VPS50: variants seen among roughly 807,000 people sequenced by gnomAD.
The protein encoded by VPS50 is VPS50 subunit of EARP/GARPII complex, also known as syndetin.
VPS50 carries 70 observed loss-of-function variants against 139.7 expected under a neutral mutation model. That is an observed-to-expected ratio of 0.50 (90% CI 0.41 to 0.61). The LOEUF is 0.61. VPS50 is among the 20% of genes least tolerant of loss of function. VPS50 has a pLI of 0.00. For missense variants in VPS50, 921 were observed against 1,133.7 expected, an observed-to-expected ratio of 0.81 and a Z score of 2.69; for synonymous variants, 365 against 376.7, an observed-to-expected ratio of 0.97 and a Z score of 0.36.
At chr7:93,332,848 G>A (rs2117043604) in intron 21 of VPS50, among the ~76,000 whole-genome samples, 1 of 152,262 alleles carries the variant, frequency 6.6e-6, no homozygotes, top group South Asian at 2.1e-4. Flanking sequence ...AAAGCATTCT[G>A]AGTAAAACAC....
chr7:93,282,276 C>T (rs749662355), intron 12 of VPS50, among the ~76,000 whole-genome samples: 12 of 151,336 alleles, frequency 7.9e-5, no homozygotes, highest in East Asian at 1.9e-4. Context: ...AATGACCAAA[C>T]GGTATTTCAC....
At chr7:93,321,986 C>G (rs1324289148) in intron 20 of VPS50, among the ~76,000 whole-genome samples, 1 of 152,026 alleles carries the variant, frequency 6.6e-6, no homozygotes, top group Non-Finnish European at 1.5e-5. Flanking sequence ...GTTTTAGGAG[C>G]AGTATATTTC....
chr7:93,260,133 T>C (rs920544553), intron 9 of VPS50, among the ~76,000 whole-genome samples: 18 of 152,346 alleles, frequency 1.2e-4, no homozygotes, highest in Non-Finnish European at 2.2e-4. Flanking sequence ...ATGTATTCAA[T>C]GTGTTATGTC....
intron 11 of VPS50, among the ~76,000 whole-genome samples, chr7:93,273,661 C>T (rs374512531): frequency 7.9e-5 from 12 of 152,076 alleles, no homozygotes; most frequent in African/African-American, 1.4e-4. Flanking sequence ...GTACCTCCTA[C>T]GCACATTGCT....
At chr7:93,282,000 C>T (rs948333587) in intron 12 of VPS50, among the ~76,000 whole-genome samples, 2 of 151,958 alleles carry the variant, frequency 1.3e-5, no homozygotes, top group African/African-American at 2.4e-5. Flanking sequence ...GTCAGGAGAT[C>T]GAGACCATCC....
At chr7:93,306,373 C>T (rs996855606) in intron 18 of VPS50, among the ~76,000 whole-genome samples, 1 of 151,686 alleles carries the variant, frequency 6.6e-6, no homozygotes, top group African/African-American at 2.4e-5. Context: ...TTCTCGACAC[C>T]CTTTATGGGT....
chr7:93,304,227 T>C (rs1419086112), intron 17 of VPS50, among the ~76,000 whole-genome samples: 1 of 151,834 alleles, frequency 6.6e-6, no homozygotes, highest in African/African-American at 2.4e-5. Context: ...TATAGTTAGA[T>C]CCTTGTTCAG....
chr7:93,313,755 AC>A (rs1797339168), intron 20 of VPS50, among the ~76,000 whole-genome samples: 1 of 20,844 alleles, frequency 4.8e-5, no homozygotes, highest in African/African-American at 2.0e-4. Context: ...CACATTCAAG[AC>A]CCTTTAAAGT....
chr7:93,351,420 G>A (rs528605035), intron 25 of VPS50, among the ~76,000 whole-genome samples: 1 of 151,388 alleles, frequency 6.6e-6, no homozygotes, highest in Non-Finnish European at 1.5e-5. Flanking sequence ...ATGACATGCT[G>A]TCTTAGTCCT....
intron 12 of VPS50, among the ~76,000 whole-genome samples, chr7:93,284,373 C>T (rs1461109090): frequency 6.6e-6 from 1 of 152,170 alleles, no homozygotes. Flanking sequence ...TCTGATTATA[C>T]ATACTTTGCT....
At chr7:93,317,512 G>A (rs895094556) in intron 20 of VPS50, among the ~76,000 whole-genome samples, 2 of 152,174 alleles carry the variant, frequency 1.3e-5, no homozygotes, top group African/African-American at 4.8e-5. Flanking sequence ...AGCTGAGATC[G>A]CACCACTGCA....
intron 4 of VPS50, among the ~76,000 whole-genome samples, chr7:93,254,912 G>A (rs1277540867): frequency 6.6e-6 from 1 of 152,100 alleles, no homozygotes; most frequent in Admixed American, 6.6e-5. Context: ...ACAAAGGAAG[G>A]TATACTTTTC....
chr7:93,323,796 T>G (rs1797688384), intron 21 of VPS50, 64 bp downstream of exon 21: 1 of 859,512 alleles, frequency 1.2e-6, no homozygotes, highest in Non-Finnish European at 1.7e-6. Context: ...ATGTCAAAGT[T>G]TTTCATTCTC....
chr7:93,307,630 T>C (rs1248344850), intron 18 of VPS50, among the ~76,000 whole-genome samples: 6 of 151,960 alleles, frequency 3.9e-5, no homozygotes, highest in Non-Finnish European at 8.8e-5. Context: ...TTTGCAAACA[T>C]TGAATCCTCA....
chr7:93,294,843 A>G (rs1198541114), intron 14 of VPS50, among the ~76,000 whole-genome samples: 27 of 152,170 alleles, frequency 1.8e-4, no homozygotes, highest in Admixed American at 1.8e-3. Context: ...GAAAATCTCC[A>G]CTGGAAATAT....
chr7:93,350,234 T>C (rs1358262113), intron 25 of VPS50, among the ~76,000 whole-genome samples: 7 of 152,358 alleles, frequency 4.6e-5, no homozygotes, highest in Non-Finnish European at 8.8e-5. Flanking sequence ...ATTTTTTAGC[T>C]TTGTTCACTA....
chr7:93,325,020 G>T (rs1488521389), intron 21 of VPS50, among the ~76,000 whole-genome samples: 3 of 152,016 alleles, frequency 2.0e-5, no homozygotes, highest in African/African-American at 4.8e-5. Context: ...AAAGCTGGAG[G>T]CATCACACTA....
chr7:93,324,196 A>G (rs936578794), intron 21 of VPS50, among the ~76,000 whole-genome samples: 10 of 152,206 alleles, frequency 6.6e-5, no homozygotes, highest in African/African-American at 1.9e-4. Flanking sequence ...GGCTGAGACA[A>G]TGGGGTTTTC....
chr7:93,294,645 T>A lies in VPS50; in HGVS notation c.1167+9T>A. 1 of 1,563,796 alleles carries A rather than the reference T, an allele frequency of 6.4e-7. No individual in the cohort carries two copies. Among genetic ancestry groups the A allele is most frequent in the South Asian group, 1.2e-5 (1 of 82,572 alleles). On this transcript the variant is annotated intron_variant, in intron 14 of 27. Coordinates refer to ENST00000305866, the MANE Select transcript of VPS50 (RefSeq NM_017667.4). ...TTACACGAATATGGCAGGTTTGGTTTTTTTAAAATTATTTTTTTCACAGAA... is the reference window on the plus strand; with the variant it reads ...TTACACGAATATGGCAGGTTTGGTTATTTTAAAATTATTTTTTTCACAGAA...
Sources: allele counts gnomAD v4.1 joint callset (sites outside exome capture counted in the v4.1 genomes callset), GRCh38; gene constraint gnomAD v4.1.1; transcripts MANE v1.5; gene names NCBI Gene and HGNC (gene_info 2026-07-23, HGNC 2026-07-21).